The following BBS2 variants were observed in gnomAD, a reference collection of about 807,000 sequenced individuals.
BBS2 encodes the protein Bardet-Biedl syndrome 2, also known as BBSome complex member BBS2.
BBS2 carries 62 observed loss-of-function variants against 83.0 expected under a neutral mutation model. The ratio of observed to expected loss-of-function variants is 0.75; its 90% confidence interval spans 0.61 to 0.92. The LOEUF is 0.92. BBS2 is among the 40% of genes least tolerant of loss of function. The pLI, the probability that BBS2 is intolerant of heterozygous loss-of-function variation, is 0.00. For missense variants in BBS2, 784 were observed against 901.0 expected, an observed-to-expected ratio of 0.87 and a Z score of 1.66; for synonymous variants, 303 against 326.1, an observed-to-expected ratio of 0.93 and a Z score of 0.76.
downstream of BBS2, chr16:56,484,278 T>G (rs1963715071): frequency 6.0e-6 from 1 of 165,600 alleles, no homozygotes; most frequent in Non-Finnish European, 1.3e-5. Context: ...AGTGCTAGAT[T>G]ACAGGCATAA....
At chr16:56,470,754 G>T in intron 17 of BBS2, 1 of 1,610,794 alleles carries the variant, frequency 6.2e-7, no homozygotes, top group East Asian at 2.2e-5. Context: ...GCAATGAGCA[G>T]ACAGACCCAG....
At chr16:56,495,116 TAAAG>T (rs1402104881) in intron 15 of BBS2, among the ~76,000 whole-genome samples, 14 of 152,222 alleles carry the variant, frequency 9.2e-5, no homozygotes, top group African/African-American at 2.4e-4. Flanking sequence ...TTAAAGCTGA[TAAAG>T]AAACTGTCTT....
chr16:56,480,352 C>CAAAAAAAAAAAAAAAAAAAAAAAAAAAA (rs1286219655), downstream of BBS2, among the ~76,000 whole-genome samples: 58 of 76,512 alleles, frequency 7.6e-4, 2 homozygotes, highest in Non-Finnish European at 1.0e-3. Context: ...CACACACACA[C>CAAAAAAAAAAAAAAAAAAAAAAAAAAAA]AAAAAAAAAA....
chr16:56,501,772 T>C (rs554902258), intron 9 of BBS2: 29 of 470,228 alleles, frequency 6.2e-5, no homozygotes, highest in African/African-American at 5.3e-4. Flanking sequence ...TCTTTTAAAG[T>C]AAGCAAACAA....
Position 56,502,079 on chromosome 16 carries a change from G to A in BBS2, c.1080+238C>T, listed in dbSNP as rs1597016376. On this transcript the variant is annotated intron_variant, in intron 9 of 16. Coordinates refer to ENST00000245157, the MANE Select transcript of BBS2 (RefSeq NM_031885.5). ...TAAGTTTCTTCCAGCTGTTTTCACT[G>A]CTATAAATAAATAGTGCTGCAGGAA... is the stretch of plus-strand genomic sequence containing the variant. 4 of 584,542 alleles carry A rather than the reference G, an allele frequency of 6.8e-6. No individual in the cohort carries two copies. In the East Asian group the frequency reaches 9.6e-5, roughly 14 times the overall value. 36.2% of individuals were successfully genotyped at this position (584,542 alleles called of 1,614,324 possible).
chr16:56,519,858 A>T lies in BBS2; in HGVS notation c.5T>A (p.Leu2Gln). 6.2e-7 allele frequency: 1 copy of T among 1,613,490 alleles called. No homozygotes were observed. Among genetic ancestry groups the T allele is most frequent in the Non-Finnish European group, 8.5e-7 (1 of 1,179,480 alleles). ...CAGTTTCAGGGTGAACACAGGCAGC[A>T]GCATGATGGCGGCGGCTTAGGGGAG... M[L>Q]LPVFTLKLRH... is the part of the protein sequence containing the mutation. Residue 2 changes from leucine (L) to glutamine (Q), a missense_variant, in exon 1 of 17, where the codon CTG (leucine) becomes CAG (glutamine). Leu to Gln is a moderately radical substitution (Grantham distance 113, BLOSUM62 -2). Coordinates refer to ENST00000245157, the MANE Select transcript of BBS2 (RefSeq NM_031885.5).
chr16:56,505,148 C>T (rs1015201807), intron 7 of BBS2, among the ~76,000 whole-genome samples: 2 of 152,204 alleles, frequency 1.3e-5, no homozygotes. Context: ...ACACCCATTT[C>T]ACAGACTTTC....
chr16:56,484,550 A>G lies in BBS2; in HGVS notation c.*211T>C. The G allele has an allele frequency of 2.0e-6, 1 of 504,488 alleles. No homozygotes were observed. The allele number at this position is 504,488 out of a possible 1,614,324, so 31.3% of individuals were successfully genotyped here. A position where few individuals can be genotyped will look rare whatever the true frequency, so the allele number is the denominator to read the frequency against. ...CATTCATCCTATTCCATAAAAACCT[A>G]GTATTATTCAGCAACAGTACTACTA... On this transcript the variant is annotated 3_prime_UTR_variant, in exon 17 of 17. Transcript: ENST00000245157.
Position 56,498,566 on chromosome 16 carries a change from A to T in BBS2, c.1530T>A (p.Val510=). The T allele has an allele frequency of 6.2e-7, 1 of 1,614,080 alleles. No individual in the cohort carries two copies. The highest frequency in any genetic ancestry group is 8.5e-7 in the Non-Finnish European group (1 of 1,180,004). The change falls in exon 13 of 17, where the codon GTT becomes GTA. Residue 510 remains valine (V), a splice_region_variant and synonymous_variant. Transcript: ENST00000245157. The stretch of plus-strand genomic sequence containing the variant: ...GAAAGTTCTGACCGAGCCATACAAC[A>T]ACCTTGAAAATGAACACAATGAAAT... ...NFTIAERAQR[V]VVWLGQNFLL... is the part of the protein sequence containing the mutation.
intron 17 of BBS2, among the ~76,000 whole-genome samples, chr16:56,473,165 C>T (rs995886282): frequency 6.6e-6 from 1 of 152,156 alleles, no homozygotes; most frequent in Non-Finnish European, 1.5e-5. Context: ...CTCTTGACCT[C>T]ATGATCCGCC....
At chr16:56,514,732 C>G (rs1321948835) in intron 1 of BBS2, 52 bp from the exon 2 acceptor site, 1 of 1,375,388 alleles carries the variant, frequency 7.3e-7, no homozygotes, top group Non-Finnish European at 1.0e-6. Context: ...AAATTAGTAT[C>G]ATACATTTTT....
At chr16:56,500,797 C>T (rs1263361238) in intron 11 of BBS2, 57 bp downstream of exon 11, 15 of 1,580,080 alleles carry the variant, frequency 9.5e-6, no homozygotes, top group Non-Finnish European at 1.3e-5. Context: ...AAAATTTATA[C>T]ATCTTGCCCT....
Position 56,501,499 on chromosome 16 carries a change from T to C in BBS2, c.1081-2A>G. ...GTTCAGTGGACTGGCCAATTCAGCC[T>C]GCAAAACACCCCACCCATTTCCTAC... On this transcript the variant is annotated splice_acceptor_variant, in intron 9 of 16. Coordinates refer to ENST00000245157, the MANE Select transcript of BBS2 (RefSeq NM_031885.5). LOFTEE classifies it high-confidence loss of function. 1 of 1,614,154 alleles carries C rather than the reference T, an allele frequency of 6.2e-7. No individual in the cohort carries two copies. The highest frequency in any genetic ancestry group is 8.5e-7 in the Non-Finnish European group (1 of 1,180,020).
chr16:56,502,875 T>C, intron 7 of BBS2, 67 bp from the exon 8 acceptor site: 1 of 1,577,768 alleles, frequency 6.3e-7, no homozygotes, highest in Non-Finnish European at 8.7e-7. Flanking sequence ...AATTTAAAAA[T>C]AAAAATCAGC....
At chr16:56,507,575 T>C (rs1287811144) in intron 5 of BBS2, among the ~76,000 whole-genome samples, 1 of 149,160 alleles carries the variant, frequency 6.7e-6, no homozygotes, top group Non-Finnish European at 1.5e-5. Flanking sequence ...TCTCAAGTTG[T>C]TTTTTTTTGG....
chr16:56,484,006 AT>A (rs531219312), downstream of BBS2, among the ~76,000 whole-genome samples: 4,136 of 130,254 alleles, frequency 0.032, 189 homozygotes, highest in African/African-American at 0.1. Context: ...CAGCCCAAAT[AT>A]TTTTTTTTTT....
intron 2 of BBS2, among the ~76,000 whole-genome samples, chr16:56,511,706 A>G (rs2144183619): frequency 6.6e-6 from 1 of 152,234 alleles, no homozygotes; most frequent in Middle Eastern, 3.4e-3. Flanking sequence ...CCCCTCTAAT[A>G]TGTACATGTC....
chr16:56,492,065 T>C (rs895739117), intron 15 of BBS2, among the ~76,000 whole-genome samples: 1 of 150,916 alleles, frequency 6.6e-6, no homozygotes, highest in Admixed American at 6.6e-5. Flanking sequence ...ATATTAAAAA[T>C]TTAAATTTTT....
At chr16:56,478,473 CA>C (rs1963574134) in intron 17 of BBS2, 1 of 152,140 alleles carries the variant, frequency 6.6e-6, no homozygotes, top group Non-Finnish European at 1.5e-5. Flanking sequence ...TTCTATATTC[CA>C]GCTGACTAAA....
Sources: gnomAD v4.1 joint callset for allele counts (sites outside exome capture counted in the v4.1 genomes callset) on GRCh38, gnomAD v4.1.1 for gene constraint, MANE v1.5 for transcripts, NCBI Gene and HGNC (gene_info 2026-07-23, HGNC 2026-07-21) for gene names.